BBOF1: variants seen among roughly 807,000 people sequenced by gnomAD.
BBOF1 encodes basal body-orientation factor 1.
Under a neutral mutation model 68.0 loss-of-function variants are expected in BBOF1, and 62 were observed. The ratio of observed to expected loss-of-function variants is 0.91; its 90% CI spans 0.74 to 1.13. The LOEUF (loss-of-function observed/expected upper bound fraction) is 1.13. Ranked by LOEUF, BBOF1 falls within the 50% of genes most tolerant of loss-of-function variation. BBOF1 has a pLI of 0.00. For synonymous variants in BBOF1, 208 were observed against 198.8 expected (o/e 1.05, Z -0.39); for missense variants, 534 against 600.1 (o/e 0.89, Z 1.15).
intron 3 of BBOF1, among the ~76,000 whole-genome samples, chr14:74,031,236 C>T (rs1352045999): frequency 3.9e-5 from 6 of 151,940 alleles, no homozygotes; most frequent in South Asian, 4.1e-4. Context: ...ACCCAGCCTC[C>T]GGAGTAGCTG....
At chr14:74,028,775 C>G (rs1372787604) in intron 2 of BBOF1, among the ~76,000 whole-genome samples, 1 of 151,496 alleles carries the variant, frequency 6.6e-6, no homozygotes, top group African/African-American at 2.4e-5. Context: ...ATGACGCCAT[C>G]TCGGCTCACT....
At chr14:74,079,101 C>T (rs1481281190) in intron 10 of BBOF1, among the ~76,000 whole-genome samples, 2 of 151,766 alleles carry the variant, frequency 1.3e-5, no homozygotes, top group African/African-American at 2.4e-5. Context: ...CTCTTTAGTC[C>T]TTGGCCAGTA....
At chr14:74,069,530 C>A (rs2060520084), downstream of BBOF1, among the ~76,000 whole-genome samples, 2 of 151,876 alleles carry the variant, frequency 1.3e-5, no homozygotes, top group Admixed American at 1.3e-4. Flanking sequence ...GCAGGTGGAT[C>A]ACCTGAGGTC....
intron 2 of BBOF1, among the ~76,000 whole-genome samples, chr14:74,023,742 C>G (rs1471754826): frequency 6.6e-6 from 1 of 151,746 alleles, no homozygotes; most frequent in Non-Finnish European, 1.5e-5. Context: ...ACAGTGAAAC[C>G]CCGTCTCTAC....
At chr14:74,025,585 GAATT>G (rs1200490215) in intron 2 of BBOF1, among the ~76,000 whole-genome samples, 3 of 152,158 alleles carry the variant, frequency 2.0e-5, no homozygotes, top group Admixed American at 1.3e-4. Context: ...ATGCTGTACT[GAATT>G]AATCACAGAA....
chr14:74,051,519 A>G (rs554743335), intron 8 of BBOF1, among the ~76,000 whole-genome samples: 28 of 151,780 alleles, frequency 1.8e-4, no homozygotes, highest in Non-Finnish European at 3.2e-4. Context: ...CCAGCATTGT[A>G]TTAACCAAAA....
At position 74,023,174 on chromosome 14, in the gene BBOF1, A is replaced by G; in HGVS notation, c.285+30A>G. 2.3e-6 allele frequency: 3 copies of G among 1,280,518 alleles called. No homozygotes were observed. The South Asian group carries it at 4.0e-5, about 17-fold the overall frequency. 79.3% of individuals were successfully genotyped at this position (1,280,518 alleles called of 1,614,324 possible). The stretch of plus-strand genomic sequence containing the variant: ...GTAGGTAGAAAGCCTCCTTGGCCTC[A>G]TTAACTACCTCTATGGTGATGCTGA... On this transcript the variant is annotated intron_variant, in intron 2 of 11. Coordinates refer to ENST00000394009, the MANE Select transcript of BBOF1 (RefSeq NM_025057.3).
intron 1 of BBOF1, among the ~76,000 whole-genome samples, chr14:74,021,731 C>A (rs902782556): frequency 6.6e-6 from 1 of 152,066 alleles, no homozygotes; most frequent in East Asian, 1.9e-4. Context: ...CACGGTGAAA[C>A]CCCGTCTCTA....
Position 74,047,946 on chromosome 14 carries a change from G to A in BBOF1, c.664G>A (p.Gly222Arg). ...CTATTTCAGGCAATTGAACGATGCTGGAAGAAATGTTTTTAAAGAGAATGA... is the reference window on the plus strand; with the variant it reads ...CTATTTCAGGCAATTGAACGATGCTAGAAGAAATGTTTTTAAAGAGAATGA... ...HEAIVQLNDA[G>R]RNVFKENDYL... The change falls in exon 7 of 12, where the codon GGA becomes AGA. Residue 222 changes from glycine (G) to arginine (R), a missense_variant. Coordinates refer to ENST00000394009, the MANE Select transcript of BBOF1 (RefSeq NM_025057.3). 3 of 1,608,008 alleles carry A rather than the reference G, an allele frequency of 1.9e-6. No individual in the cohort carries two copies. Among genetic ancestry groups the A allele is most frequent in the Non-Finnish European group, 1.7e-6 (2 of 1,177,832 alleles).
At chr14:74,069,712 C>T (rs920402800), downstream of BBOF1, among the ~76,000 whole-genome samples, 1 of 152,002 alleles carries the variant, frequency 6.6e-6, no homozygotes, top group Non-Finnish European at 1.5e-5. Flanking sequence ...GAGATTGTGC[C>T]ATTGCGCCTC....
At chr14:74,082,831 G>A (rs550067059) in exon 13 of BBOF1, 1 of 152,168 alleles carries the variant, frequency 6.6e-6, no homozygotes, top group African/African-American at 2.4e-5. Context: ...AATACATAGT[G>A]TCTGTTTCTG....
At chr14:74,019,837 C>T (rs986891064) in intron 1 of BBOF1, among the ~76,000 whole-genome samples, 8 of 152,260 alleles carry the variant, frequency 5.3e-5, no homozygotes, top group Admixed American at 4.6e-4. Flanking sequence ...TTTTCCCAAA[C>T]TGATCAGAGC....
intron 11 of BBOF1, chr14:74,059,478 C>T (rs551883827): frequency 8.0e-5 from 35 of 438,944 alleles, no homozygotes; most frequent in South Asian, 4.9e-4. Context: ...GGCGGATCAC[C>T]TGAGGTCAGG....
In BBOF1 at chr14:74,055,988, G is replaced by GAGAA. The variant is rs558771351; in HGVS notation, c.1388+305_1388+308dup. On this transcript the variant is annotated intron_variant, in intron 9 of 11. Coordinates refer to ENST00000394009, the MANE Select transcript of BBOF1 (RefSeq NM_025057.3). The stretch of plus-strand genomic sequence containing the variant: ...CTCAGCTGAATGAGTGGCAACTGAA[G>GAGAA]AGAAACATAACAATATTAAGATTTT... Among the ~76,000 whole-genome samples the GAGAA allele has an allele frequency of 7.9e-5, 12 of 152,040 alleles. No homozygotes were observed. In the East Asian group the frequency reaches 1.7e-3, roughly 22 times the overall value.
chr14:74,060,360 A>AT, intron 11 of BBOF1: 2 of 364,572 alleles, frequency 5.5e-6, no homozygotes, highest in Non-Finnish European at 1.0e-5. Flanking sequence ...AAATGGGATA[A>AT]TTTTTAGAAA....
At chr14:74,074,805 A>T in intron 9 of BBOF1, 2 of 785,666 alleles carry the variant, frequency 2.5e-6, no homozygotes, top group East Asian at 5.5e-5. Context: ...TGACATGGTA[A>T]TCCATTTCAG....
intron 10 of BBOF1, among the ~76,000 whole-genome samples, chr14:74,079,053 T>A (rs964745759): frequency 1.3e-5 from 2 of 151,814 alleles, no homozygotes; most frequent in African/African-American, 4.9e-5. Flanking sequence ...TTTTATCAAC[T>A]CTCATGGCTT....
intron 9 of BBOF1, among the ~76,000 whole-genome samples, chr14:74,056,192 C>T (rs111324493): frequency 0.19 from 27,643 of 147,086 alleles, 2,784 homozygotes; most frequent in South Asian, 0.44. Flanking sequence ...CCACAACGCC[C>T]GGCTAATTTT....
intron 11 of BBOF1, chr14:74,057,520 A>G (rs1464567920): frequency 4.4e-6 from 6 of 1,367,580 alleles, no homozygotes; most frequent in Non-Finnish European, 5.7e-6. Context: ...AGCCTAGCCA[A>G]AATGTGTACT....
Sources: allele counts gnomAD v4.1 joint callset (sites outside exome capture counted in the v4.1 genomes callset), GRCh38; gene constraint gnomAD v4.1.1; transcripts MANE v1.5; gene names NCBI Gene and HGNC (gene_info 2026-07-23, HGNC 2026-07-21).